DAGLB: variants seen among roughly 807,000 people sequenced by gnomAD.
DAGLB encodes diacylglycerol lipase beta, also known as diacylglycerol lipase-beta.
In DAGLB, 66 loss-of-function variants were observed where a neutral mutation model predicts 72.1. That is an observed-to-expected ratio of 0.92 (90% confidence interval 0.75 to 1.12). The LOEUF (loss-of-function observed/expected upper bound fraction) is 1.12. DAGLB is among the 50% of genes most tolerant of loss of function. The pLI is 0.00. For synonymous variants in DAGLB, 414 were observed against 359.5 expected, an observed-to-expected ratio of 1.15 and a Z score of -1.71; for missense variants, 1,065 against 884.9, an observed-to-expected ratio of 1.20 and a Z score of -2.58.
chr7:6,413,562 G>A (rs1430324236), intron 11 of DAGLB, among the ~76,000 whole-genome samples: 2 of 152,106 alleles, frequency 1.3e-5, no homozygotes, highest in African/African-American at 2.4e-5. Context: ...CCCGGGAGGC[G>A]GAGCTGGCAG....
intron 11 of DAGLB, among the ~76,000 whole-genome samples, chr7:6,414,262 G>C (rs1783830573): frequency 6.6e-6 from 1 of 151,490 alleles, no homozygotes; most frequent in Non-Finnish European, 1.5e-5. Flanking sequence ...TGCCGGCCTT[G>C]GCCTCCCAAA....
Position 6,409,782 on chromosome 7 carries a change from T to A in DAGLB, c.*55A>T, listed in dbSNP as rs1225873459. 2 of 1,576,288 alleles carry A rather than the reference T, an allele frequency of 1.3e-6. No individual in the cohort carries two copies. Among genetic ancestry groups the A allele is most frequent in the East Asian group, 2.3e-5 (1 of 44,204 alleles). Reference sequence around the variant, plus strand: ...GGGAACTCCTCGGATGGTAAGTCAGTTTAAGGACAAAAGCGTGAGTCCATC... The same window carrying A: ...GGGAACTCCTCGGATGGTAAGTCAGATTAAGGACAAAAGCGTGAGTCCATC... On this transcript the variant is annotated 3_prime_UTR_variant, in exon 15 of 15. Transcript: ENST00000297056.
intron 2 of DAGLB, among the ~76,000 whole-genome samples, chr7:6,444,050 T>G (rs1161872061): frequency 1.3e-5 from 2 of 152,152 alleles, no homozygotes; most frequent in East Asian, 3.8e-4. Flanking sequence ...GAGGATCACC[T>G]GAGCCCAGGA....
At chr7:6,435,866 A>T (rs1460615305) in intron 3 of DAGLB, among the ~76,000 whole-genome samples, 1 of 152,208 alleles carries the variant, frequency 6.6e-6, no homozygotes, top group Non-Finnish European at 1.5e-5. Flanking sequence ...TTCCTTATTT[A>T]GAACAGAGGG....
chr7:6,412,931 C>A (rs769364597), intron 12 of DAGLB, 35 bp downstream of exon 12: 5 of 1,613,178 alleles, frequency 3.1e-6, no homozygotes, highest in South Asian at 2.2e-5. Context: ...CACTCCCAAC[C>A]CCCCAGCCCT....
At chr7:6,411,115 A>G (rs1231742086) in intron 13 of DAGLB, among the ~76,000 whole-genome samples, 3 of 150,260 alleles carry the variant, frequency 2.0e-5, no homozygotes, top group Non-Finnish European at 4.4e-5. Flanking sequence ...CTCGTGATCC[A>G]CCCGCCTTGG....
intron 2 of DAGLB, among the ~76,000 whole-genome samples, chr7:6,440,426 G>A (rs1261796883): frequency 6.6e-6 from 1 of 151,692 alleles, no homozygotes; most frequent in African/African-American, 2.4e-5. Context: ...AGCTACAGAA[G>A]AAGAGGATCA....
intron 2 of DAGLB, among the ~76,000 whole-genome samples, chr7:6,444,014 C>A (rs1281876847): frequency 6.6e-6 from 1 of 152,048 alleles, no homozygotes; most frequent in Admixed American, 6.6e-5. Context: ...CCCCTGTAAT[C>A]CTAGCATTTT....
chr7:6,437,878 G>T (rs961500287), intron 2 of DAGLB, among the ~76,000 whole-genome samples: 7 of 152,146 alleles, frequency 4.6e-5, no homozygotes, highest in Non-Finnish European at 1.0e-4. Flanking sequence ...CTGACCTCAA[G>T]TGATCTGCCC....
At chr7:6,438,479 G>A (rs1304015381) in intron 2 of DAGLB, among the ~76,000 whole-genome samples, 2 of 151,914 alleles carry the variant, frequency 1.3e-5, no homozygotes, top group Non-Finnish European at 2.9e-5. Context: ...GGGGGAAAGG[G>A]TGCAGGTATG....
chr7:6,430,105 T>G (rs1784432489), intron 6 of DAGLB, among the ~76,000 whole-genome samples: 1 of 151,470 alleles, frequency 6.6e-6, no homozygotes, highest in Admixed American at 6.6e-5. Flanking sequence ...CTCAGGAGGC[T>G]GAGCCAGTAG....
At chr7:6,412,691 G>T in intron 13 of DAGLB, 120 bp downstream of exon 13, 1 of 1,134,868 alleles carries the variant, frequency 8.8e-7, no homozygotes, top group Non-Finnish European at 1.3e-6. Flanking sequence ...GGTGGAAGGA[G>T]AACTTCCAGC....
chr7:6,421,706 C>A, intron 9 of DAGLB, 21 bp downstream of exon 9: 1 of 1,589,364 alleles, frequency 6.3e-7, no homozygotes, highest in African/African-American at 1.3e-5. Context: ...ACAGGCAAGA[C>A]ACACGAGTCC....
intron 9 of DAGLB, 89 bp downstream of exon 9, chr7:6,421,638 G>A (rs1469946539): frequency 3.0e-6 from 4 of 1,344,680 alleles, no homozygotes; most frequent in Non-Finnish European, 3.0e-6. Context: ...GGCGCAGGCA[G>A]CGCGGGCTCT....
chr7:6,435,472 GAGACTCCGTCTCAA>G (rs1784624184), intron 3 of DAGLB: 2 of 154,342 alleles, frequency 1.3e-5, no homozygotes, highest in Admixed American at 1.3e-4. Context: ...GCGACAGAGG[GAGACTCCGTCTCAA>G]AGAAAAAAAA....
At chr7:6,442,347 G>A (rs1215791810) in intron 2 of DAGLB, among the ~76,000 whole-genome samples, 1 of 152,070 alleles carries the variant, frequency 6.6e-6, no homozygotes, top group Non-Finnish European at 1.5e-5. Context: ...CATTGTACGA[G>A]TGTCTAGGAA....
At position 6,430,631 on chromosome 7, in the gene DAGLB, CTGTT is replaced by C. The variant is rs554833073; in HGVS notation, c.802-28_802-25del. The C allele has an allele frequency of 9.4e-4, 1,464 of 1,563,470 alleles. 4 individuals carry two copies. The highest frequency in any genetic ancestry group is 7.9e-4 in the Non-Finnish European group (910 of 1,148,570). On this transcript the variant is annotated intron_variant, in intron 5 of 14. Transcript: ENST00000297056. ...TCCTACAAGAGAAGGACAAAAACTACTGTTTATTAAGGGAACTCCTGACACAGAG... is the reference window on the plus strand; with the variant it reads ...TCCTACAAGAGAAGGACAAAAACTACTATTAAGGGAACTCCTGACACAGAG...
At chr7:6,420,685 C>G (rs973861408) in intron 9 of DAGLB, among the ~76,000 whole-genome samples, 2 of 151,650 alleles carry the variant, frequency 1.3e-5, no homozygotes, top group Non-Finnish European at 2.9e-5. Context: ...ACACTAACGA[C>G]CAACGAACAG....
intron 2 of DAGLB, among the ~76,000 whole-genome samples, chr7:6,442,502 C>T (rs1483611204): frequency 2.0e-5 from 3 of 152,094 alleles, no homozygotes; most frequent in African/African-American, 7.2e-5. Flanking sequence ...CAGCCACAAA[C>T]TCAGTGGTCT....
Sources: gnomAD v4.1 joint callset for allele counts (sites outside exome capture counted in the v4.1 genomes callset) on GRCh38, gnomAD v4.1.1 for gene constraint, MANE v1.5 for transcripts, NCBI Gene and HGNC (gene_info 2026-07-23, HGNC 2026-07-21) for gene names.